Variants in MPDU1 observed in about 807,000 individuals in gnomAD.
MPDU1 encodes the protein mannose-P-dolichol utilization defect 1 protein.
A neutral mutation model predicts 27.6 loss-of-function variants in MPDU1; 18 were observed. The observed-to-expected ratio is 0.65, with a 90% confidence interval of 0.45 to 0.97. The LOEUF is 0.97. Among genes scored for constraint, MPDU1 ranks in the 50% least tolerant of loss-of-function variants. The pLI is 0.00. For synonymous variants in MPDU1, 142 were observed against 131.1 expected, an observed-to-expected ratio of 1.08 and a Z score of -0.57; for missense variants, 279 against 297.4, an observed-to-expected ratio of 0.94 and a Z score of 0.46.
In MPDU1 at chr17:7,587,113, T is replaced by C. The variant is rs1043927625; in HGVS notation, c.508-48T>C. ...TGGGGGTGTTGTACTTGGGGGAGCA[T>C]GGGAAGAGCTCAGGTGACAGAGCCA... On this transcript the variant is annotated intron_variant, in intron 5 of 6. Transcript: ENST00000250124. The C allele has an allele frequency of 3.8e-6, 6 of 1,596,274 alleles. No individual in the cohort carries two copies. The Admixed American group carries it at 8.3e-5, about 22-fold the overall frequency.
chr17:7,584,786 G>T (rs188615086), intron 1 of MPDU1, among the ~76,000 whole-genome samples: 18 of 152,138 alleles, frequency 1.2e-4, no homozygotes, highest in Non-Finnish European at 1.0e-4. Context: ...GAGGTCAGGC[G>T]TTCGAGACCA....
chr17:7,585,982 AG>A lies in MPDU1; in HGVS notation c.207del (p.Ser70ValfsTer5). 1 of 1,614,204 alleles carries A rather than the reference AG, an allele frequency of 6.2e-7. No individual in the cohort carries two copies. The highest frequency in any genetic ancestry group is 1.1e-5 in the South Asian group (1 of 91,084). On this transcript the variant is annotated frameshift_variant, in exon 3 of 7. Transcript: ENST00000250124. LOFTEE classifies it high-confidence loss of function. Reference sequence around the variant, plus strand: ...CAGGTGTTTAAAATCCTGGGAGCCAAGAGTGCTGAAGGGTTGAGTCTCCAGT... The same window carrying A: ...CAGGTGTTTAAAATCCTGGGAGCCAAAGTGCTGAAGGGTTGAGTCTCCAGT... ...LPQVFKILGA[K>X]SAEGLSLQSV...
chr17:7,587,193 G>A lies in MPDU1; in HGVS notation c.540G>A (p.Gly180=), dbSNP rs1597865322. The change falls in exon 6 of 7, where the codon GGG becomes GGA. Residue 180 remains glycine (G), a synonymous_variant. Transcript: ENST00000250124. ...LLQAATNYHN[G]HTGQLSAITV... is the part of the protein sequence containing the mutation. ...AGGCAGCCACCAACTACCACAACGGGCACACAGGCCAGCTCTCAGCCATCA... is the reference window on the plus strand; with the variant it reads ...AGGCAGCCACCAACTACCACAACGGACACACAGGCCAGCTCTCAGCCATCA... The A allele has an allele frequency of 6.2e-7, 1 of 1,614,046 alleles. No homozygotes were observed. The highest frequency in any genetic ancestry group is 2.2e-5 in the East Asian group (1 of 44,840).
upstream of MPDU1, chr17:7,583,815 G>T: frequency 5.0e-6 from 8 of 1,596,320 alleles, no homozygotes; most frequent in Non-Finnish European, 6.9e-6. Context: ...CACGCGCAAC[G>T]AAAGTCAATG....
In MPDU1 at chr17:7,583,897, T is replaced by C. The variant is rs2071536248; in HGVS notation, c.35T>C (p.Leu12Pro). The change falls in exon 1 of 7, where the codon CTG becomes CCG. Residue 12 changes from leucine to proline, a missense_variant. Transcript: ENST00000250124. The part of the protein sequence containing the change: ...AAEADGPLKR[L>P]LVPILLPEKC... Reference sequence around the variant, plus strand: ...GAGGCGGACGGACCGCTTAAACGGCTGCTCGTGCCGATTCTTTTACCTGAG... The same window carrying C: ...GAGGCGGACGGACCGCTTAAACGGCCGCTCGTGCCGATTCTTTTACCTGAG... 2 of 1,614,122 alleles carry C rather than the reference T, an allele frequency of 1.2e-6. No individual in the cohort carries two copies. Among genetic ancestry groups the C allele is most frequent in the African/African-American group, 1.3e-5 (1 of 74,962 alleles).
intron 6 of MPDU1, 24 bp from the exon 7 acceptor site, chr17:7,587,402 C>A: frequency 6.2e-7 from 1 of 1,613,942 alleles, no homozygotes; most frequent in Non-Finnish European, 8.5e-7. Context: ...GAAGGGTAAC[C>A]CTGGCTCTGT....
intron 5 of MPDU1, 43 bp downstream of exon 5, chr17:7,587,060 T>C (rs754409588): frequency 1.8e-5 from 15 of 855,606 alleles, no homozygotes; most frequent in Admixed American, 3.3e-5. Flanking sequence ...GGGGGCAGGG[T>C]GGGGGGGAAG....
chr17:7,584,094 A>G, intron 1 of MPDU1, 129 bp downstream of exon 1: 1 of 933,082 alleles, frequency 1.1e-6, no homozygotes, highest in Non-Finnish European at 1.7e-6. Context: ...GTCACTTCTG[A>G]GAAGGGCGGA....
At chr17:7,586,200 C>CT in intron 3 of MPDU1, 122 bp downstream of exon 3, 1 of 1,243,802 alleles carries the variant, frequency 8.0e-7, no homozygotes, top group Non-Finnish European at 1.1e-6. Flanking sequence ...AACCCCAGCA[C>CT]TTTGGGAGGC....
At chr17:7,587,324 C>T in intron 6 of MPDU1, 53 bp downstream of exon 6, 1 of 1,613,006 alleles carries the variant, frequency 6.2e-7, no homozygotes, top group Non-Finnish European at 8.5e-7. Flanking sequence ...CTTACTTCTC[C>T]CAGCTAAGGG....
chr17:7,587,066 G>GT, intron 5 of MPDU1, 49 bp downstream of exon 5: 1 of 1,302,880 alleles, frequency 7.7e-7, no homozygotes, highest in Non-Finnish European at 1.1e-6. Context: ...AGGGTGGGGG[G>GT]GAAGAGTAGA....
chr17:7,588,148 CAG>C lies in MPDU1; in HGVS notation c.*599_*600del, dbSNP rs1236789618. 8 of 671,242 alleles carry C rather than the reference CAG, an allele frequency of 1.2e-5. No homozygotes were observed. The highest frequency in any genetic ancestry group is 2.2e-5 in the Non-Finnish European group (8 of 365,734). 41.6% of individuals were successfully genotyped at this position (671,242 alleles called of 1,614,324 possible). ...CTGGTTCCTGCTGCAGTGAGGGGAA[CAG>C]ATGGGACAATAAAGACTGGAGACTC... On this transcript the variant is annotated 3_prime_UTR_variant, in exon 7 of 7. Transcript: ENST00000250124.
rs935173887 is a variant in MPDU1, at chr17:7,587,786, G to A, written c.*235G>A. ...AAAATTTTGACATTTGAGTGCTTTCGTAAGCCCTGTACATGTACTATTAAT... is the reference window on the plus strand; with the variant it reads ...AAAATTTTGACATTTGAGTGCTTTCATAAGCCCTGTACATGTACTATTAAT... On this transcript the variant is annotated 3_prime_UTR_variant, in exon 7 of 7. Coordinates refer to ENST00000250124, the MANE Select transcript of MPDU1 (RefSeq NM_004870.4). 9 of 633,174 alleles carry A rather than the reference G, an allele frequency of 1.4e-5. No individual in the cohort carries two copies. Among genetic ancestry groups the A allele is most frequent in the Non-Finnish European group, 2.0e-5 (7 of 343,056 alleles). 39.2% of individuals were successfully genotyped at this position (633,174 alleles called of 1,614,324 possible). A position where few individuals can be genotyped will look rare whatever the true frequency, so the allele number is the denominator to read the frequency against.
chr17:7,587,561 C>G lies in MPDU1; in HGVS notation c.*10C>G. On this transcript the variant is annotated 3_prime_UTR_variant, in exon 7 of 7. Coordinates refer to ENST00000250124, the MANE Select transcript of MPDU1 (RefSeq NM_004870.4). The stretch of plus-strand genomic sequence containing the variant: ...GAAAAAGGCGCAGTAGAGCCAGCTA[C>G]TGGAGTCATTCCGTTTCCACTCATT... 6.2e-7 allele frequency: 1 copy of G among 1,613,706 alleles called. No homozygotes were observed. The highest frequency in any genetic ancestry group is 8.5e-7 in the Non-Finnish European group (1 of 1,179,912).
In MPDU1 at chr17:7,585,776, A is replaced by G; in HGVS notation, c.148A>G (p.Ile50Val). 1 of 1,614,120 alleles carries G rather than the reference A, an allele frequency of 6.2e-7. No individual in the cohort carries two copies. Among genetic ancestry groups the G allele is most frequent in the Non-Finnish European group, 8.5e-7 (1 of 1,179,996 alleles). The change falls in exon 2 of 7, where the codon ATT (isoleucine) becomes GTT (valine). Residue 50 changes from isoleucine (I) to valine (V), a missense_variant. Coordinates refer to ENST00000250124, the MANE Select transcript of MPDU1 (RefSeq NM_004870.4). ...ILLSKGLGLG[I>V]VAGSLLVKLP... is the part of the protein sequence containing the mutation. ...CCTCAGCAAAGGCCTGGGGCTGGGCATTGTGGCTGGCTCACTTCTAGGTAT... is the reference window on the plus strand; with the variant it reads ...CCTCAGCAAAGGCCTGGGGCTGGGCGTTGTGGCTGGCTCACTTCTAGGTAT...
chr17:7,587,010 T>C lies in MPDU1; in HGVS notation c.500T>C (p.Val167Ala). 1 of 1,262,782 alleles carries C rather than the reference T, an allele frequency of 7.9e-7. No individual in the cohort carries two copies. The highest frequency in any genetic ancestry group is 1.0e-6 in the Non-Finnish European group (1 of 989,714). 78.2% of individuals were successfully genotyped at this position (1,262,782 alleles called of 1,614,324 possible). A position where few individuals can be genotyped will look rare whatever the true frequency, so the allele number is the denominator to read the frequency against. The change falls in exon 5 of 7, where the codon GTG becomes GCG. Residue 167 changes from valine to alanine, a missense_variant. Physicochemically the swap from Val to Ala is moderately conservative, Grantham distance 64. Coordinates refer to ENST00000250124, the MANE Select transcript of MPDU1 (RefSeq NM_004870.4). ...LQASNVPAVV[V>A]GRLLQAATNY... ...GCCTCCAATGTGCCTGCTGTGGTGG[T>C]GGGGAGGGTGGGTACCAGGAGCAAG... is the stretch of plus-strand genomic sequence containing the variant.
intron 1 of MPDU1, 39 bp from the exon 2 acceptor site, chr17:7,585,693 A>T: frequency 6.2e-7 from 1 of 1,606,122 alleles, no homozygotes; most frequent in South Asian, 1.1e-5. Flanking sequence ...CCTGGGTTTC[A>T]GACATCTCCT....
At position 7,586,706 on chromosome 17, in the gene MPDU1, C is replaced by G; in HGVS notation, c.317C>G (p.Ala106Gly). ...TGACTCTGCAGCTCTTGGGGTGAAG[C>G]CTTATTCCTGATGCTCCAGACGATC... ...NNFPFSSWGE[A>G]LFLMLQTITI... Residue 106 changes from alanine to glycine, a missense_variant, in exon 4 of 7, where the codon GCC becomes GGC. Ala to Gly is a moderately conservative substitution (Grantham distance 60, BLOSUM62 0). Transcript: ENST00000250124. 6.2e-7 allele frequency: 1 copy of G among 1,614,112 alleles called. No individual in the cohort carries two copies. Among genetic ancestry groups the G allele is most frequent in the Non-Finnish European group, 8.5e-7 (1 of 1,179,984 alleles).
At position 7,587,464 on chromosome 17, in the gene MPDU1, C is replaced by A; in HGVS notation, c.657C>A (p.Val219=). 1 of 1,613,810 alleles carries A rather than the reference C, an allele frequency of 6.2e-7. No individual in the cohort carries two copies. The highest frequency in any genetic ancestry group is 8.5e-7 in the Non-Finnish European group (1 of 1,179,958). Residue 219 remains valine (V), a synonymous_variant, in exon 7 of 7, where the codon GTC becomes GTA. Coordinates refer to ENST00000250124, the MANE Select transcript of MPDU1 (RefSeq NM_004870.4). ...CCCTGATGGCTGGGACCTTTGTGGT[C>A]TCCTCTCTCTGCAACGGCCTCATCG... The part of the protein sequence containing the change: ...GDPLMAGTFV[V]SSLCNGLIAA...
Sources: allele counts gnomAD v4.1 joint callset (sites outside exome capture counted in the v4.1 genomes callset), GRCh38; gene constraint gnomAD v4.1.1; transcripts MANE v1.5; gene names NCBI Gene and HGNC (gene_info 2026-07-23, HGNC 2026-07-21).